Variants in COL7A1 observed in about 807,000 individuals in gnomAD.
The protein encoded by COL7A1 is collagen type VII alpha 1 chain.
COL7A1 carries 296 observed loss-of-function variants against 456.2 expected under a neutral mutation model. That is an observed-to-expected ratio of 0.65 (90% CI 0.59 to 0.71). The LOEUF (loss-of-function observed/expected upper bound fraction) is 0.71, where lower values mean the gene tolerates loss of function less well. Ranked by LOEUF, COL7A1 falls within the 30% of genes least tolerant of loss-of-function variation. COL7A1 has a pLI of 0.00. For missense variants in COL7A1, 3,441 were observed against 4,017.2 expected (o/e 0.86, Z 3.88); for synonymous variants, 1,464 against 1,525.9 (o/e 0.96, Z 0.95).
chr3:48,565,354 C>G lies in COL7A1; in HGVS notation c.8527+56G>C. 6.5e-7 allele frequency: 1 copy of G among 1,541,894 alleles called. No homozygotes were observed. Among genetic ancestry groups the G allele is most frequent in the Non-Finnish European group, 8.8e-7 (1 of 1,132,208 alleles). ...GCGTGTGCCCTGCATTCATGGACAC[C>G]CATGTGCGTGTCTCGGCCCCACCCA... On this transcript the variant is annotated intron_variant, in intron 116 of 118. Coordinates refer to ENST00000681320, the MANE Select transcript of COL7A1 (RefSeq NM_000094.4). The surrounding 1 kb of genome is among the most constrained non-coding windows in gnomAD (Gnocchi z 4.5).
Position 48,567,911 on chromosome 3 carries a change from G to A in COL7A1, c.7876-20C>T. 2 of 1,614,006 alleles carry A rather than the reference G, an allele frequency of 1.2e-6. No individual in the cohort carries two copies. Among genetic ancestry groups the A allele is most frequent in the Middle Eastern group, 1.6e-4 (1 of 6,062 alleles). ...TTCACCCTGAGGGAGAAAAGCAGAT[G>A]AAGAAGTGATTCCCAGACACCTCAC... On this transcript the variant is annotated intron_variant, in intron 106 of 118. Coordinates refer to ENST00000681320, the MANE Select transcript of COL7A1 (RefSeq NM_000094.4). This position sits in a 1 kb window ranked among gnomAD's most constrained non-coding sequence, Gnocchi z 4.3.
chr3:48,591,345 GA>G lies in COL7A1; in HGVS notation c.1636+118del, dbSNP rs1462686963. 1 of 1,379,618 alleles carries G rather than the reference GA, an allele frequency of 7.2e-7. No homozygotes were observed. The highest frequency in any genetic ancestry group is 1.4e-5 in the African/African-American group (1 of 70,112). The allele number at this position is 1,379,618 out of a possible 1,614,324, so 85.5% of individuals were successfully genotyped here. ...CCATCTTGGGAAGCAGATGGATAAC[GA>G]GACAGGGAGGAGACTATAGGGACCC... is the stretch of plus-strand genomic sequence containing the variant. On this transcript the variant is annotated intron_variant, in intron 13 of 118. Coordinates refer to ENST00000681320, the MANE Select transcript of COL7A1 (RefSeq NM_000094.4). The surrounding 1 kb of genome is among the most constrained non-coding windows in gnomAD (Gnocchi z 7.0).
In COL7A1 at chr3:48,569,988, G is replaced by A; in HGVS notation, c.7486-73C>T. ...GGACGGAGGAGGATCAGGGGGAGGA[G>A]GGAAACAGTGGGGACCAGACAAAGG... On this transcript the variant is annotated intron_variant, in intron 99 of 118. Coordinates refer to ENST00000681320, the MANE Select transcript of COL7A1 (RefSeq NM_000094.4). The surrounding 1 kb of genome is among the most constrained non-coding windows in gnomAD (Gnocchi z 4.9). 2 of 1,605,890 alleles carry A rather than the reference G, an allele frequency of 1.2e-6. No individual in the cohort carries two copies. The highest frequency in any genetic ancestry group is 1.7e-6 in the Non-Finnish European group (2 of 1,173,694).
chr3:48,587,037 C>G lies in COL7A1; in HGVS notation c.3211G>C (p.Ala1071Pro). The change falls in exon 25 of 119, where the codon GCT (alanine) becomes CCT (proline). Residue 1071 changes from alanine (A) to proline (P), a missense_variant. Transcript: ENST00000681320. The surrounding 1 kb of genome is among the most constrained non-coding windows in gnomAD (Gnocchi z 6.1). ...ATQDNAHRAE[A>P]TRRVLERLVL... is the part of the protein sequence containing the mutation. ...AGACGCTCCAGGACCCTCCTCGTAG[C>G]CTCCGCACGGTGAGCATTGTCTTGA... 1 of 1,607,598 alleles carries G rather than the reference C, an allele frequency of 6.2e-7. No homozygotes were observed. The highest frequency in any genetic ancestry group is 8.5e-7 in the Non-Finnish European group (1 of 1,177,030).
rs1307955824 is a variant in COL7A1 at position 48,585,538 on chromosome 3, C to T, written c.3894+19G>A. ...TTTGAGGAGTGCCTCAGAGAAACCTCGATGGTCTCCACACTCACCCTCTCG... is the reference window on the plus strand; with the variant it reads ...TTTGAGGAGTGCCTCAGAGAAACCTTGATGGTCTCCACACTCACCCTCTCG... On this transcript the variant is annotated intron_variant, in intron 32 of 118. Transcript: ENST00000681320. The surrounding 1 kb of genome is among the most constrained non-coding windows in gnomAD (Gnocchi z 4.5). 12 of 1,613,534 alleles carry T rather than the reference C, an allele frequency of 7.4e-6. No individual in the cohort carries two copies. Among genetic ancestry groups the T allele is most frequent in the African/African-American group, 1.3e-5 (1 of 75,038 alleles).
rs970561209 is a variant in COL7A1, at chr3:48,568,672, C to T, written c.7758+112G>A. The T allele has an allele frequency of 1.4e-6, 2 of 1,471,818 alleles. No individual in the cohort carries two copies. The highest frequency in any genetic ancestry group is 1.9e-6 in the Non-Finnish European group (2 of 1,077,452). The allele number at this position is 1,471,818 out of a possible 1,614,324, so 91.2% of individuals were successfully genotyped here. On this transcript the variant is annotated intron_variant, in intron 104 of 118. Transcript: ENST00000681320. The surrounding 1 kb of genome is among the most constrained non-coding windows in gnomAD (Gnocchi z 5.2). ...AGATCCCGGGTGAACACACATGGGGCCGGCAGCAAGGGAGCCAGAACCCCC... is the reference window on the plus strand; with the variant it reads ...AGATCCCGGGTGAACACACATGGGGTCGGCAGCAAGGGAGCCAGAACCCCC...
In COL7A1 at chr3:48,590,733, G is replaced by C. The variant is rs200762860; in HGVS notation, c.1720C>G (p.Arg574Gly). Residue 574 changes from arginine to glycine, a missense_variant, in exon 14 of 119, where the codon CGG becomes GGG. By Grantham distance (125) the Arg-to-Gly change is moderately radical. Coordinates refer to ENST00000681320, the MANE Select transcript of COL7A1 (RefSeq NM_000094.4). This position sits in a 1 kb window ranked among gnomAD's most constrained non-coding sequence, Gnocchi z 4.6. ...CGGGGACCCACTCGAGCAGACACCC[G>C]CACAGTGTAGCTAAGCCCAGCCTGA... is the stretch of plus-strand genomic sequence containing the variant. ...DVQAGLSYTV[R>G]VSARVGPREG... 7 of 1,613,956 alleles carry C rather than the reference G, an allele frequency of 4.3e-6. No individual in the cohort carries two copies. In the African/African-American group the frequency reaches 6.7e-5, roughly 15 times the overall value.
At position 48,565,434 on chromosome 3, in the gene COL7A1, G is replaced by T; in HGVS notation, c.8503C>A (p.Arg2835Ser). The T allele has an allele frequency of 6.2e-7, 1 of 1,612,324 alleles. No homozygotes were observed. The highest frequency in any genetic ancestry group is 1.1e-5 in the South Asian group (1 of 90,714). ...CCTTCCTCCTCTGCATGAGAGACGC[G>T]GAGCACAGGCACAGCATGGAGCTGG... is the stretch of plus-strand genomic sequence containing the variant. ...GSQLHAVPVL[R>S]VSHAEEEERV... The change falls in exon 116 of 119, where the codon CGC becomes AGC. Residue 2835 changes from arginine to serine, a missense_variant. Arg to Ser is a moderately radical substitution (Grantham distance 110). Coordinates refer to ENST00000681320, the MANE Select transcript of COL7A1 (RefSeq NM_000094.4). The surrounding 1 kb of genome is among the most constrained non-coding windows in gnomAD (Gnocchi z 4.5).
In COL7A1 at chr3:48,579,156, G is replaced by T; in HGVS notation, c.5388+41C>A. The stretch of plus-strand genomic sequence containing the variant: ...GGGTCTAGGGTCCTCATGTGAAGGG[G>T]TAGGGGAAGGGGACAACCAGGCAGG... On this transcript the variant is annotated intron_variant, in intron 62 of 118. Transcript: ENST00000681320. This position sits in a 1 kb window ranked among gnomAD's most constrained non-coding sequence, Gnocchi z 4.4. 4 of 1,606,314 alleles carry T rather than the reference G, an allele frequency of 2.5e-6. No homozygotes were observed. Among genetic ancestry groups the T allele is most frequent in the Non-Finnish European group, 2.6e-6 (3 of 1,174,976 alleles).
At position 48,589,791 on chromosome 3, in the gene COL7A1, G is replaced by A. The variant is rs1179298287; in HGVS notation, c.2051-73C>T. On this transcript the variant is annotated intron_variant, in intron 16 of 118. Transcript: ENST00000681320. ...GTGGGGCTATCTGATAGGGGAAGAT[G>A]ATGGGAGTCTAACAGGAGACGGGAA... 3 of 1,604,944 alleles carry A rather than the reference G, an allele frequency of 1.9e-6. No homozygotes were observed. In the African/African-American group the frequency reaches 4.0e-5, roughly 21 times the overall value.
chr3:48,590,923 G>T lies in COL7A1; in HGVS notation c.1637-107C>A. On this transcript the variant is annotated intron_variant, in intron 13 of 118. Coordinates refer to ENST00000681320, the MANE Select transcript of COL7A1 (RefSeq NM_000094.4). The surrounding 1 kb of genome is among the most constrained non-coding windows in gnomAD (Gnocchi z 4.6). ...AGAGTGAGAAGGGCCATGGGGGTGG[G>T]GATGTGGGGTGGTGGGGACCAGAGA... The T allele has an allele frequency of 8.2e-7, 1 of 1,216,742 alleles. No homozygotes were observed. The highest frequency in any genetic ancestry group is 1.2e-6 in the Non-Finnish European group (1 of 845,702). The allele number at this position is 1,216,742 out of a possible 1,614,324, so 75.4% of individuals were successfully genotyped here.
chr3:48,583,845 A>G lies in COL7A1; in HGVS notation c.4278+55T>C. On this transcript the variant is annotated intron_variant, in intron 39 of 118. Transcript: ENST00000681320. The surrounding 1 kb of genome is among the most constrained non-coding windows in gnomAD (Gnocchi z 5.1). ...AAGCCCAGCACCCAACCACTGCCCC[A>G]GGAGAGACCCACACCCCTGAGCAGG... 1.9e-6 allele frequency: 3 copies of G among 1,613,482 alleles called. 1 individual carries two copies. The highest frequency in any genetic ancestry group is 2.5e-6 in the Non-Finnish European group (3 of 1,179,656).
chr3:48,572,290 G>A lies in COL7A1; in HGVS notation c.6978+90C>T, dbSNP rs984197046. ...TACTATGAAAGCTGAGGGTCATGAG[G>A]GTGGGTAAACTATGGGTCGAAGGTC... On this transcript the variant is annotated intron_variant, in intron 90 of 118. Coordinates refer to ENST00000681320, the MANE Select transcript of COL7A1 (RefSeq NM_000094.4). The surrounding 1 kb of genome is among the most constrained non-coding windows in gnomAD (Gnocchi z 4.6). The A allele has an allele frequency of 1.2e-6, 2 of 1,611,536 alleles. No homozygotes were observed. The highest frequency in any genetic ancestry group is 1.1e-5 in the South Asian group (1 of 91,034).
intron 37 of COL7A1, 44 bp from the exon 38 acceptor site, chr3:48,584,105 C>A: frequency 6.2e-7 from 1 of 1,614,166 alleles, no homozygotes. Context: ...CCACACCTCA[C>A]TCCCAAAGAT....
At chr3:48,584,004 C>T (rs376116966) in intron 38 of COL7A1, 31 bp downstream of exon 38, 7 of 1,613,934 alleles carry the variant, frequency 4.3e-6, no homozygotes, top group Non-Finnish European at 4.2e-6. Context: ...AGACTCCAAG[C>T]CACCCCTAGC....
Position 48,579,463 on chromosome 3 carries a change from C to CA in COL7A1, c.5271+16dup, listed in dbSNP as rs1242168073. 2 of 1,614,148 alleles carry CA rather than the reference C, an allele frequency of 1.2e-6. No individual in the cohort carries two copies. The highest frequency in any genetic ancestry group is 1.7e-5 in the Admixed American group (1 of 60,024). On this transcript the variant is annotated intron_variant, in intron 60 of 118. Coordinates refer to ENST00000681320, the MANE Select transcript of COL7A1 (RefSeq NM_000094.4). This position sits in a 1 kb window ranked among gnomAD's most constrained non-coding sequence, Gnocchi z 4.4. ...TAAGATGGGGACTTGGCAGACGGGG[C>CA]AAAGTGCATCACTCACCTGTGGGCC...
chr3:48,570,975 TA>T lies in COL7A1; in HGVS notation c.7165-8del. 6.2e-7 allele frequency: 1 copy of T among 1,612,966 alleles called. No individual in the cohort carries two copies. The highest frequency in any genetic ancestry group is 8.5e-7 in the Non-Finnish European group (1 of 1,179,630). On this transcript the variant is annotated splice_region_variant and splice_polypyrimidine_tract_variant and intron_variant, in intron 94 of 118. Transcript: ENST00000681320. The surrounding 1 kb of genome is among the most constrained non-coding windows in gnomAD (Gnocchi z 5.5). The stretch of plus-strand genomic sequence containing the variant: ...CAGGGAGGCCCAGATCTCCCTGAAA[TA>T]AAAACAGCAAAGGGAGGGAATGGTC...
chr3:48,568,272 C>T lies in COL7A1; in HGVS notation c.7795-102G>A. The T allele has an allele frequency of 7.3e-7, 1 of 1,367,284 alleles. No individual in the cohort carries two copies. Among genetic ancestry groups the T allele is most frequent in the Non-Finnish European group, 1.0e-6 (1 of 970,208 alleles). 84.7% of individuals were successfully genotyped at this position (1,367,284 alleles called of 1,614,324 possible). ...GGGAACACCATGGGGTGGGAGTCACCTCTGGAGGCCAGAGCCACTGGGGCT... is the reference window on the plus strand; with the variant it reads ...GGGAACACCATGGGGTGGGAGTCACTTCTGGAGGCCAGAGCCACTGGGGCT... On this transcript the variant is annotated intron_variant, in intron 105 of 118. Coordinates refer to ENST00000681320, the MANE Select transcript of COL7A1 (RefSeq NM_000094.4). This position sits in a 1 kb window ranked among gnomAD's most constrained non-coding sequence, Gnocchi z 5.2.
At position 48,578,862 on chromosome 3, in the gene COL7A1, T is replaced by G. The variant is rs2044514443; in HGVS notation, c.5424+57A>C. The G allele has an allele frequency of 6.4e-7, 1 of 1,555,836 alleles. No individual in the cohort carries two copies. The highest frequency in any genetic ancestry group is 1.4e-5 in the African/African-American group (1 of 72,978). On this transcript the variant is annotated intron_variant, in intron 63 of 118. Coordinates refer to ENST00000681320, the MANE Select transcript of COL7A1 (RefSeq NM_000094.4). This position sits in a 1 kb window ranked among gnomAD's most constrained non-coding sequence, Gnocchi z 4.7. Reference sequence around the variant, plus strand: ...CTCGGATGCTGTGACTATGATGATCTGGTTGGAGCTTACGCAGCCCCGAGC... The same window carrying G: ...CTCGGATGCTGTGACTATGATGATCGGGTTGGAGCTTACGCAGCCCCGAGC...
Sources: gnomAD v4.1 joint callset for allele counts on GRCh38, gnomAD v4.1.1 for gene constraint, Gnocchi (gnomAD v3.1) non-coding constraint, MANE v1.5 for transcripts, NCBI Gene and HGNC (gene_info 2026-07-23, HGNC 2026-07-21) for gene names.